Variants in KCNQ3 observed in about 807,000 individuals in gnomAD.
The protein encoded by KCNQ3 is potassium voltage-gated channel subfamily KQT member 3.
Under a neutral mutation model 92.5 loss-of-function variants are expected in KCNQ3, and 30 were observed. That is an observed-to-expected ratio of 0.32 (90% CI 0.24 to 0.44). The LOEUF (loss-of-function observed/expected upper bound fraction) is 0.44, where lower values mean the gene tolerates loss of function less well. Among genes scored for constraint, KCNQ3 ranks in the 20% least tolerant of loss-of-function variants. The pLI is 1.00. For missense variants in KCNQ3, 913 were observed against 1,140.3 expected, an observed-to-expected ratio of 0.80 and a Z score of 2.87; for synonymous variants, 450 against 468.8, an observed-to-expected ratio of 0.96 and a Z score of 0.52.
chr8:132,465,476 C>A (rs999501140), intron 1 of KCNQ3, among the ~76,000 whole-genome samples: 8 of 151,018 alleles, frequency 5.3e-5, no homozygotes, highest in Non-Finnish European at 1.2e-4. Flanking sequence ...CCTGTAATCC[C>A]AGCACTTTCG....
chr8:132,417,678 CCATT>C (rs59884171), intron 1 of KCNQ3, among the ~76,000 whole-genome samples: 30,678 of 151,872 alleles, frequency 0.2, 3,844 homozygotes, highest in Non-Finnish European at 0.27. Flanking sequence ...ATCCATCCAT[CCATT>C]CATTCATTCA....
chr8:132,224,865 G>A (rs143997951), intron 1 of KCNQ3, among the ~76,000 whole-genome samples: 97 of 152,288 alleles, frequency 6.4e-4, no homozygotes, highest in African/African-American at 2.3e-3. Flanking sequence ...GGAAGAAGAA[G>A]GGAAAATGGG....
chr8:132,193,206 C>T (rs944225676), intron 1 of KCNQ3, among the ~76,000 whole-genome samples: 14 of 152,216 alleles, frequency 9.2e-5, no homozygotes, highest in African/African-American at 7.2e-5. Context: ...TCTTTGCAAA[C>T]AATTCCAGTC....
intron 1 of KCNQ3, among the ~76,000 whole-genome samples, chr8:132,403,488 A>G (rs1393432775): frequency 6.6e-6 from 1 of 152,216 alleles, no homozygotes; most frequent in Non-Finnish European, 1.5e-5. Flanking sequence ...TTAATTAGCA[A>G]TTGGGGTGTT....
At chr8:132,288,924 T>C (rs576302582) in intron 1 of KCNQ3, among the ~76,000 whole-genome samples, 1 of 152,278 alleles carries the variant, frequency 6.6e-6, no homozygotes, top group East Asian at 1.9e-4. Context: ...ATTTATGCTA[T>C]CAGATGGCAA....
chr8:132,272,067 T>G (rs1365593356), intron 1 of KCNQ3, among the ~76,000 whole-genome samples: 1 of 152,208 alleles, frequency 6.6e-6, no homozygotes, highest in African/African-American at 2.4e-5. Context: ...GCCTTGCACA[T>G]GTAGACTTTG....
At chr8:132,295,406 G>A (rs1816987524) in intron 1 of KCNQ3, among the ~76,000 whole-genome samples, 1 of 152,200 alleles carries the variant, frequency 6.6e-6, no homozygotes, top group Non-Finnish European at 1.5e-5. Flanking sequence ...AGGCTGTGGA[G>A]AAATAGAAAT....
At chr8:132,326,732 A>G (rs956360361) in intron 1 of KCNQ3, among the ~76,000 whole-genome samples, 24 of 152,126 alleles carry the variant, frequency 1.6e-4, no homozygotes, top group African/African-American at 5.8e-4. Flanking sequence ...TAAAGCACCA[A>G]TCCTACCCAT....
At chr8:132,257,850 C>A (rs372573453) in intron 1 of KCNQ3, among the ~76,000 whole-genome samples, 11 of 150,038 alleles carry the variant, frequency 7.3e-5, no homozygotes, top group Admixed American at 2.7e-4. Flanking sequence ...AAATGGTAAC[C>A]AATAGAGAGC....
At chr8:132,210,017 A>G (rs899775654) in intron 1 of KCNQ3, among the ~76,000 whole-genome samples, 3 of 152,186 alleles carry the variant, frequency 2.0e-5, no homozygotes, top group Non-Finnish European at 4.4e-5. Context: ...TTCTTCCAGG[A>G]TGTAATGATG....
intron 1 of KCNQ3, among the ~76,000 whole-genome samples, chr8:132,375,635 C>A (rs1010915537): frequency 2.0e-5 from 3 of 152,212 alleles, no homozygotes; most frequent in African/African-American, 7.2e-5. Context: ...CTGTTCCCTG[C>A]TGATCTGTTC....
At chr8:132,249,383 G>A (rs1815314555) in intron 1 of KCNQ3, among the ~76,000 whole-genome samples, 2 of 152,268 alleles carry the variant, frequency 1.3e-5, no homozygotes, top group African/African-American at 4.8e-5. Context: ...CCCTGAGCTG[G>A]ACACAAAAGT....
chr8:132,445,194 T>A (rs1255677260), intron 1 of KCNQ3, among the ~76,000 whole-genome samples: 1 of 152,210 alleles, frequency 6.6e-6, no homozygotes, highest in Non-Finnish European at 1.5e-5. Context: ...ATGCTCTTAA[T>A]TGTGGCATTA....
At chr8:132,198,493 A>G (rs1827369741) in intron 1 of KCNQ3, among the ~76,000 whole-genome samples, 1 of 152,214 alleles carries the variant, frequency 6.6e-6, no homozygotes, top group African/African-American at 2.4e-5. Context: ...TTATTTTTCC[A>G]AAGTTCAATT....
intron 1 of KCNQ3, among the ~76,000 whole-genome samples, chr8:132,387,281 T>C (rs768178208): frequency 2.0e-5 from 3 of 152,346 alleles, no homozygotes; most frequent in East Asian, 3.9e-4. Flanking sequence ...ATGGGAGTCA[T>C]TACATCAGTA....
intron 1 of KCNQ3, among the ~76,000 whole-genome samples, chr8:132,330,448 G>A (rs1411274518): frequency 2.6e-5 from 4 of 152,172 alleles, no homozygotes; most frequent in African/African-American, 9.7e-5. Flanking sequence ...TCCTGCAGCT[G>A]TGCTGAGTGC....
intron 1 of KCNQ3, among the ~76,000 whole-genome samples, chr8:132,239,953 G>A (rs113626057): frequency 6.4e-4 from 98 of 152,178 alleles, no homozygotes; most frequent in African/African-American, 2.3e-3. Context: ...TTTCAATCAC[G>A]GCCTTTGAGG....
At chr8:132,326,614 G>A (rs893935736) in intron 1 of KCNQ3, among the ~76,000 whole-genome samples, 1 of 152,102 alleles carries the variant, frequency 6.6e-6, no homozygotes, top group African/African-American at 2.4e-5. Context: ...TAGGCTGAAG[G>A]GAACTATCTT....
intron 1 of KCNQ3, among the ~76,000 whole-genome samples, chr8:132,250,390 C>T (rs976775676): frequency 6.6e-6 from 1 of 152,164 alleles, no homozygotes; most frequent in Admixed American, 6.5e-5. Flanking sequence ...AACGGAAAGG[C>T]CAACCCCATG....
Sources: allele counts gnomAD v4.1 joint callset (sites outside exome capture counted in the v4.1 genomes callset), GRCh38; gene constraint gnomAD v4.1.1; transcripts MANE v1.5; gene names NCBI Gene and HGNC (gene_info 2026-07-23, HGNC 2026-07-21).